PUM2: variants seen among roughly 807,000 people sequenced by gnomAD.
The protein encoded by PUM2 is pumilio homolog 2.
Under a neutral mutation model 124.5 loss-of-function variants are expected in PUM2, and 57 were observed. That is an observed-to-expected ratio of 0.46 (90% CI 0.37 to 0.57). The LOEUF (loss-of-function observed/expected upper bound fraction) is 0.57. Ranked by LOEUF, PUM2 falls within the 20% of genes least tolerant of loss-of-function variation. The pLI is 0.00. For missense variants in PUM2, 1,065 were observed against 1,290.6 expected, an observed-to-expected ratio of 0.83 and a Z score of 2.68; for synonymous variants, 460 against 446.1, an observed-to-expected ratio of 1.03 and a Z score of -0.39.
chr2:20,292,203 G>A (rs748637242), intron 9 of PUM2, among the ~76,000 whole-genome samples: 8 of 151,302 alleles, frequency 5.3e-5, no homozygotes, highest in Admixed American at 1.3e-4. Context: ...CCTGGCCTCC[G>A]CTACTTGATC....
intron 3 of PUM2, among the ~76,000 whole-genome samples, chr2:20,312,874 T>C (rs1466347066): frequency 1.3e-5 from 2 of 152,110 alleles, no homozygotes; most frequent in Admixed American, 6.5e-5. Flanking sequence ...AACAGATATA[T>C]AGATCAACGG....
At chr2:20,296,374 A>G (rs1675549497) in intron 8 of PUM2, among the ~76,000 whole-genome samples, 1 of 152,054 alleles carries the variant, frequency 6.6e-6, no homozygotes, top group Admixed American at 6.5e-5. Flanking sequence ...GGGCGCCTGT[A>G]GTCCCAGCTA....
intron 20 of PUM2, 49 bp from the exon 21 acceptor site, chr2:20,251,765 G>C (rs376088574): frequency 6.3e-7 from 1 of 1,587,142 alleles, no homozygotes; most frequent in East Asian, 2.2e-5. Context: ...TTTAGTTTCT[G>C]ATTTCTTAAA....
At chr2:20,303,886 C>T (rs1677588713) in intron 7 of PUM2, among the ~76,000 whole-genome samples, 1 of 152,184 alleles carries the variant, frequency 6.6e-6, no homozygotes, top group African/African-American at 2.4e-5. Flanking sequence ...ATGGCTCACA[C>T]CCTTTATCTC....
chr2:20,331,150 G>A (rs1217593932), intron 1 of PUM2, among the ~76,000 whole-genome samples: 6 of 151,066 alleles, frequency 4.0e-5, no homozygotes, highest in South Asian at 2.1e-4. Context: ...AAAACCACAC[G>A]CGTTGTTTGG....
rs1341413472 is a variant in PUM2, at chr2:20,248,887, C to T, written c.*2698G>A. On this transcript the variant is annotated 3_prime_UTR_variant, in exon 21 of 21. Transcript: ENST00000361078. ...AAACAATCCCTATCAAAAGGAGACA[C>T]TCAAGAGTAAAGCCTAGGTAGTTTT... 6.6e-6 allele frequency: 1 copy of T among 152,620 alleles called. No homozygotes were observed. Among genetic ancestry groups the T allele is most frequent in the Non-Finnish European group, 1.5e-5 (1 of 68,034 alleles). 9.5% of individuals were successfully genotyped at this position (152,620 alleles called of 1,614,324 possible).
chr2:20,314,247 C>T (rs1680348603), intron 3 of PUM2, among the ~76,000 whole-genome samples: 1 of 152,100 alleles, frequency 6.6e-6, no homozygotes, highest in South Asian at 2.1e-4. Flanking sequence ...GATCAGAACT[C>T]ACGACTATAA....
intron 1 of PUM2, among the ~76,000 whole-genome samples, chr2:20,344,055 C>CTTTATTTTAT (rs74852145): frequency 2.0e-5 from 3 of 151,550 alleles, no homozygotes; most frequent in Non-Finnish European, 4.4e-5. Context: ...TATCATTTTA[C>CTTTATTTTAT]TTTATTTTAT....
rs141092410 is a variant in PUM2, at chr2:20,251,332, G to C, written c.*253C>G. ...TTTGATACAGTTACATCATATACAG[G>C]CATTCTGTGCTTTGCCAGCAATCCA... On this transcript the variant is annotated 3_prime_UTR_variant, in exon 21 of 21. Coordinates refer to ENST00000361078, the MANE Select transcript of PUM2 (RefSeq NM_015317.5). The C allele has an allele frequency of 3.1e-3, 967 of 316,622 alleles. 4 individuals are homozygous for C. Among genetic ancestry groups the C allele is most frequent in the South Asian group, 6.2e-3 (89 of 14,306 alleles). The allele number at this position is 316,622 out of a possible 1,614,324, so 19.6% of individuals were successfully genotyped here. A position where few individuals can be genotyped will look rare whatever the true frequency, so the allele number is the denominator to read the frequency against.
At chr2:20,336,577 C>T (rs1409407649) in intron 1 of PUM2, among the ~76,000 whole-genome samples, 4 of 151,452 alleles carry the variant, frequency 2.6e-5, no homozygotes, top group East Asian at 1.9e-4. Context: ...AGCACAGTGA[C>T]GTAATCAGGG....
Position 20,308,025 on chromosome 2 carries a change from G to A in PUM2, c.836C>T (p.Ala279Val). ...NALTVQQLTA[A>V]QQQQYALAAA... Reference sequence around the variant, plus strand: ...TGCTAATGCATATTGCTGCTGTTGAGCTGCAGTTAACTGTTGAACTGTTAG... The same window carrying A: ...TGCTAATGCATATTGCTGCTGTTGAACTGCAGTTAACTGTTGAACTGTTAG... The change falls in exon 7 of 21, where the codon GCT (alanine) becomes GTT (valine). Residue 279 changes from alanine to valine, a missense_variant. Ala to Val is a moderately conservative substitution (Grantham distance 64). Transcript: ENST00000361078. The A allele has an allele frequency of 6.2e-7, 1 of 1,613,480 alleles. No individual in the cohort carries two copies. The highest frequency in any genetic ancestry group is 8.5e-7 in the Non-Finnish European group (1 of 1,179,434).
chr2:20,303,819 C>T (rs1677577352), intron 7 of PUM2, among the ~76,000 whole-genome samples: 2 of 152,144 alleles, frequency 1.3e-5, no homozygotes, highest in Non-Finnish European at 2.9e-5. Flanking sequence ...TTTACAAGAC[C>T]ATGAAATGGC....
intron 10 of PUM2, among the ~76,000 whole-genome samples, chr2:20,284,778 G>A (rs1672345727): frequency 6.6e-6 from 1 of 152,214 alleles, no homozygotes; most frequent in Non-Finnish European, 1.5e-5. Flanking sequence ...TTTAAACACA[G>A]TAGGCTAAAT....
chr2:20,317,738 G>A (rs1177619493), intron 3 of PUM2, among the ~76,000 whole-genome samples: 2 of 151,978 alleles, frequency 1.3e-5, no homozygotes, highest in African/African-American at 4.8e-5. Flanking sequence ...CCCTATGTCT[G>A]TTGTTCCCCT....
At chr2:20,265,271 T>C (rs1391045628) in intron 13 of PUM2, among the ~76,000 whole-genome samples, 1 of 150,122 alleles carries the variant, frequency 6.7e-6, no homozygotes, top group Non-Finnish European at 1.5e-5. Flanking sequence ...AAAAGGCATG[T>C]AATTTAAGAA....
chr2:20,273,539 A>G (rs1669514270), intron 13 of PUM2, among the ~76,000 whole-genome samples: 1 of 152,248 alleles, frequency 6.6e-6, no homozygotes, highest in Admixed American at 6.5e-5. Flanking sequence ...TAAAACAAGT[A>G]CAACCAAGAT....
intron 13 of PUM2, among the ~76,000 whole-genome samples, chr2:20,272,191 A>AATGAATG (rs1558517148): frequency 7.7e-4 from 73 of 95,036 alleles, no homozygotes; most frequent in Middle Eastern, 5.4e-3. Flanking sequence ...ATGAATGAAT[A>AATGAATG]AATAAATAAA....
chr2:20,350,538 G>A (rs1689149278), intron 1 of PUM2, 59 bp downstream of exon 1: 3 of 985,570 alleles, frequency 3.0e-6, no homozygotes, highest in African/African-American at 1.7e-5. Context: ...ACAAAGCCTG[G>A]GGAGCCATCC....
chr2:20,350,836 C>G lies in PUM2; in HGVS notation c.-258G>C, dbSNP rs1689243624. On this transcript the variant is annotated 5_prime_UTR_variant, in exon 1 of 21. Coordinates refer to ENST00000361078, the MANE Select transcript of PUM2 (RefSeq NM_015317.5). ...ACAACATGGCTGCCACCGCCGCCTG[C>G]CCTCCCCTCCCCCCCGCCCACCGGG... is the stretch of plus-strand genomic sequence containing the variant. 4.1e-6 allele frequency: 4 copies of G among 969,132 alleles called. No homozygotes were observed. Among genetic ancestry groups the G allele is most frequent in the Non-Finnish European group, 3.7e-6 (3 of 815,458 alleles). The allele number at this position is 969,132 out of a possible 1,614,324, so 60.0% of individuals were successfully genotyped here. A position where few individuals can be genotyped will look rare whatever the true frequency, so the allele number is the denominator to read the frequency against.
Sources: allele counts gnomAD v4.1 joint callset (sites outside exome capture counted in the v4.1 genomes callset), GRCh38; gene constraint gnomAD v4.1.1; transcripts MANE v1.5; gene names NCBI Gene and HGNC (gene_info 2026-07-23, HGNC 2026-07-21).